CHIC1: variants seen among roughly 807,000 people sequenced by gnomAD.
CHIC1 encodes the protein cysteine rich hydrophobic domain 1.
A neutral mutation model predicts 18.5 loss-of-function variants in CHIC1; 7 were observed. That is an observed-to-expected ratio of 0.38 (90% CI 0.22 to 0.71). CHIC1 has a LOEUF of 0.71. Among genes scored for constraint, CHIC1 ranks in the 30% least tolerant of loss-of-function variants. The pLI, the probability that CHIC1 is intolerant of heterozygous loss-of-function variation, is 0.49. For missense variants in CHIC1, 159 were observed against 176.9 expected (o/e 0.90, Z 0.57); for synonymous variants, 77 against 73.5 (o/e 1.05, Z -0.25).
intron 3 of CHIC1, among the ~76,000 whole-genome samples, chrX:73,677,081 G>A (rs1049675209): frequency 1.2e-4 from 13 of 111,459 alleles, no homozygotes; most frequent in Admixed American, 9.5e-4. Context: ...CTGCCTGATC[G>A]TTCCTCTGGA....
intron 3 of CHIC1, among the ~76,000 whole-genome samples, chrX:73,620,419 C>T (rs1008905407): frequency 1.8e-5 from 2 of 112,160 alleles, no homozygotes; most frequent in African/African-American, 6.5e-5. Context: ...GAGATGGTAT[C>T]TCATTGTGGT....
At chrX:73,587,621 A>G (rs2057559607) in intron 3 of CHIC1, among the ~76,000 whole-genome samples, 1 of 111,501 alleles carries the variant, frequency 9.0e-6, no homozygotes, top group African/African-American at 3.2e-5. Flanking sequence ...AGCTAATTAT[A>G]AAAAGAAGGA....
At chrX:73,643,382 T>G (rs2057869286) in intron 3 of CHIC1, among the ~76,000 whole-genome samples, 3 of 109,893 alleles carry the variant, frequency 2.7e-5, no homozygotes, top group Admixed American at 2.0e-4. Flanking sequence ...CTTTGTGGTG[T>G]TCTCTGTATT....
intron 3 of CHIC1, among the ~76,000 whole-genome samples, chrX:73,640,145 C>T (rs958677152): frequency 6.3e-5 from 7 of 111,442 alleles, no homozygotes; most frequent in African/African-American, 2.3e-4. Context: ...ATCCATTATT[C>T]GGTATGGTGT....
intron 3 of CHIC1, among the ~76,000 whole-genome samples, chrX:73,614,759 C>T (rs981435300): frequency 1.8e-5 from 2 of 110,361 alleles, no homozygotes; most frequent in Non-Finnish European, 3.8e-5. Context: ...ATTTCTTATT[C>T]GGATACCCAA....
intron 3 of CHIC1, among the ~76,000 whole-genome samples, chrX:73,612,451 T>C (rs2057713708): frequency 8.9e-6 from 1 of 111,955 alleles, no homozygotes; most frequent in South Asian, 3.7e-4. Flanking sequence ...TTTAATGCTA[T>C]CAACTTTCAT....
chrX:73,659,617 G>A (rs1451925381), intron 3 of CHIC1, among the ~76,000 whole-genome samples: 2 of 111,073 alleles, frequency 1.8e-5, no homozygotes, highest in African/African-American at 6.5e-5. Flanking sequence ...TACAAGAGGC[G>A]AACCAAGCCT....
At chrX:73,582,216 G>A (rs1172016835) in intron 2 of CHIC1, among the ~76,000 whole-genome samples, 4 of 110,215 alleles carry the variant, frequency 3.6e-5, no homozygotes, top group Non-Finnish European at 7.6e-5. Flanking sequence ...TTTATGATTT[G>A]CATGAGTTTA....
chrX:73,678,264 T>C (rs1339766111), intron 3 of CHIC1, among the ~76,000 whole-genome samples: 1 of 110,245 alleles, frequency 9.1e-6, no homozygotes, highest in Non-Finnish European at 1.9e-5. Context: ...AAGGCTTTGT[T>C]TGGGACAGCA....
intron 2 of CHIC1, among the ~76,000 whole-genome samples, chrX:73,581,048 A>G (rs1394566903): frequency 9.0e-6 from 1 of 111,521 alleles, no homozygotes; most frequent in African/African-American, 3.2e-5. Flanking sequence ...ACAGAAATTT[A>G]GAAAAGAAAG....
Position 73,563,550 on chromosome X carries a change from T to A in CHIC1, c.266T>A (p.Val89Glu). The A allele has an allele frequency of 9.0e-7, 1 of 1,116,732 alleles. No individual in the cohort carries two copies. Among genetic ancestry groups the A allele is most frequent in the Non-Finnish European group, 1.2e-6 (1 of 847,881 alleles). The allele number at this position is 1,116,732 out of a possible 1,213,427, so 92.0% of individuals were successfully genotyped here. The change falls in exon 1 of 6, where the codon GTA becomes GAA. Residue 89 changes from valine to glutamate, a missense_variant. Coordinates refer to ENST00000373502, the MANE Select transcript of CHIC1 (RefSeq NM_001039840.4). Reference protein sequence around the residue: ...EHLRRYAPDPVLVRGAGHITV... With the variant: ...EHLRRYAPDPELVRGAGHITV... ...CTGCGGAGATATGCTCCCGACCCTGTATTAGTGCGGGGTGCCGGCCACATC... is the reference window on the plus strand; with the variant it reads ...CTGCGGAGATATGCTCCCGACCCTGAATTAGTGCGGGGTGCCGGCCACATC...
At chrX:73,675,716 A>G (rs2058058347) in intron 3 of CHIC1, among the ~76,000 whole-genome samples, 1 of 111,618 alleles carries the variant, frequency 9.0e-6, no homozygotes, top group East Asian at 2.8e-4. Flanking sequence ...TAATTGGAGC[A>G]TTTAGCCCGT....
chrX:73,563,866 T>TTGTA (rs1482122531), intron 1 of CHIC1, among the ~76,000 whole-genome samples: 14 of 111,343 alleles, frequency 1.3e-4, no homozygotes, highest in African/African-American at 4.3e-4. Context: ...GTCTCCTTTC[T>TTGTA]TGTATGTATG....
intron 3 of CHIC1, among the ~76,000 whole-genome samples, chrX:73,655,407 A>G (rs1178440526): frequency 1.0e-5 from 1 of 97,560 alleles, no homozygotes; most frequent in African/African-American, 3.7e-5. Context: ...ACATATATAT[A>G]CAATATTGTG....
At chrX:73,662,276 C>T (rs2057984669) in intron 3 of CHIC1, among the ~76,000 whole-genome samples, 1 of 108,288 alleles carries the variant, frequency 9.2e-6, no homozygotes. Context: ...GCATTGTCTG[C>T]CACCTGAATG....
chrX:73,587,332 G>A (rs1411006504), intron 3 of CHIC1, among the ~76,000 whole-genome samples: 1 of 111,595 alleles, frequency 9.0e-6, no homozygotes, highest in Non-Finnish European at 1.9e-5. Flanking sequence ...TGACTCTGGT[G>A]CGATTTCGCA....
intron 3 of CHIC1, among the ~76,000 whole-genome samples, chrX:73,672,740 C>A (rs1350839417): frequency 8.9e-6 from 1 of 111,903 alleles, no homozygotes; most frequent in Non-Finnish European, 1.9e-5. Context: ...ATTGTAGTTT[C>A]TTTTGCTGTG....
intron 3 of CHIC1, among the ~76,000 whole-genome samples, chrX:73,646,682 A>T (rs1470762821): frequency 8.9e-6 from 1 of 112,183 alleles, no homozygotes; most frequent in Non-Finnish European, 1.9e-5. Context: ...TGTATCTTGT[A>T]AATTTACTGA....
chrX:73,668,979 G>A lies in CHIC1; in HGVS notation c.508-10347G>A, dbSNP rs145017419. Among the ~76,000 whole-genome samples, 522 of 112,830 alleles carry A rather than the reference G, an allele frequency of 4.6e-3. 3 individuals are homozygous for A. Among genetic ancestry groups the A allele is most frequent in the African/African-American group, 0.016 (488 of 31,128 alleles). On this transcript the variant is annotated intron_variant, in intron 3 of 5. Transcript: ENST00000373502. Reference sequence around the variant, plus strand: ...AACAGCCAAGTTGGCAGCCTGCCTCGCCCCTCAGGCATTCCATCCCAGGGA... The same window carrying A: ...AACAGCCAAGTTGGCAGCCTGCCTCACCCCTCAGGCATTCCATCCCAGGGA...
Sources: gnomAD v4.1 joint callset for allele counts (sites outside exome capture counted in the v4.1 genomes callset) on GRCh38, gnomAD v4.1.1 for gene constraint, MANE v1.5 for transcripts, NCBI Gene and HGNC (gene_info 2026-07-23, HGNC 2026-07-21) for gene names.